The following RABGAP1L variants were observed in gnomAD, a reference collection of about 807,000 sequenced individuals.
The protein encoded by RABGAP1L is rab GTPase-activating protein 1-like.
RABGAP1L carries 63 observed loss-of-function variants against 137.7 expected under a neutral mutation model. That is an observed-to-expected ratio of 0.46 (90% CI 0.37 to 0.56). RABGAP1L has a LOEUF of 0.56. RABGAP1L is among the 20% of genes least tolerant of loss of function. The pLI is 0.00. For missense variants in RABGAP1L, 1,095 were observed against 1,244.0 expected (o/e 0.88, Z 1.80); for synonymous variants, 431 against 433.7 (o/e 0.99, Z 0.08).
chr1:174,347,786 GT>G (rs1246185774), intron 11 of RABGAP1L, among the ~76,000 whole-genome samples: 3 of 152,176 alleles, frequency 2.0e-5, no homozygotes, highest in African/African-American at 7.2e-5. Context: ...GAGCCATACA[GT>G]TTTTCTCTTG....
At chr1:174,855,281 C>T (rs1012030846) in intron 19 of RABGAP1L, among the ~76,000 whole-genome samples, 2 of 152,096 alleles carry the variant, frequency 1.3e-5, no homozygotes, top group African/African-American at 4.8e-5. Context: ...CCAGGTAGAC[C>T]ACCACTCTGA....
At chr1:174,296,391 T>C (rs954752403) in intron 10 of RABGAP1L, among the ~76,000 whole-genome samples, 4 of 152,214 alleles carry the variant, frequency 2.6e-5, no homozygotes, top group Non-Finnish European at 4.4e-5. Flanking sequence ...TGTAATTTAC[T>C]CTCTTCTTGT....
intron 17 of RABGAP1L, among the ~76,000 whole-genome samples, chr1:174,731,291 G>C (rs572131190): frequency 6.6e-6 from 1 of 152,094 alleles, no homozygotes; most frequent in Non-Finnish European, 1.5e-5. Context: ...ATTTTATCTG[G>C]TGTAGCCCAG....
chr1:174,746,086 G>A (rs1337760529), intron 17 of RABGAP1L, among the ~76,000 whole-genome samples: 1 of 152,170 alleles, frequency 6.6e-6, no homozygotes, highest in African/African-American at 2.4e-5. Context: ...CACACAATCT[G>A]TCAGCTCTCT....
intron 13 of RABGAP1L, among the ~76,000 whole-genome samples, chr1:174,406,373 A>G (rs530539526): frequency 2.0e-4 from 30 of 152,186 alleles, no homozygotes; most frequent in Non-Finnish European, 1.3e-4. Context: ...TTTGAGGTAA[A>G]TTAAGGAAGA....
intron 13 of RABGAP1L, among the ~76,000 whole-genome samples, chr1:174,502,083 TATTA>T (rs1487870272): frequency 1.3e-5 from 2 of 151,682 alleles, no homozygotes; most frequent in East Asian, 1.9e-4. Flanking sequence ...TAGAAAATTA[TATTA>T]ATTATAATAT....
intron 18 of RABGAP1L, among the ~76,000 whole-genome samples, chr1:174,771,617 C>A (rs1013504619): frequency 6.6e-6 from 1 of 152,096 alleles, no homozygotes; most frequent in South Asian, 2.1e-4. Flanking sequence ...ATAAACAACC[C>A]ATTTGTTCTA....
intron 13 of RABGAP1L, among the ~76,000 whole-genome samples, chr1:174,547,642 C>G (rs928672297): frequency 3.3e-5 from 5 of 151,976 alleles, no homozygotes; most frequent in African/African-American, 9.7e-5. Flanking sequence ...AGAAATATAT[C>G]TTATACCATA....
chr1:174,466,971 C>T (rs955090312), intron 13 of RABGAP1L, among the ~76,000 whole-genome samples: 3 of 152,134 alleles, frequency 2.0e-5, no homozygotes, highest in African/African-American at 7.2e-5. Context: ...ATATATAAAT[C>T]ATCCCTCACA....
Position 174,703,861 on chromosome 1 carries a change from C to T in RABGAP1L, c.2169+1605C>T, listed in dbSNP as rs1052569243. 5.3e-5 allele frequency among the ~76,000 whole-genome samples: 8 copies of T among 152,136 alleles called. No homozygotes were observed. In the East Asian group the frequency reaches 5.8e-4, roughly 11 times the overall value. On this transcript the variant is annotated intron_variant, in intron 17 of 25. Transcript: ENST00000681986. The stretch of plus-strand genomic sequence containing the variant: ...AATGTTGAACATTTTTTCATATGCT[C>T]ATTGGCCATTTGTATATCTTCTTTT...
intron 13 of RABGAP1L, among the ~76,000 whole-genome samples, chr1:174,602,593 C>T (rs1670496094): frequency 3.3e-5 from 5 of 151,998 alleles, no homozygotes; most frequent in Admixed American, 3.3e-4. Context: ...CCTTTTTGAG[C>T]CTATTATTTA....
In RABGAP1L at chr1:174,993,808, A is replaced by G. The variant is rs781758932; in HGVS notation, c.*3807A>G. 5 of 152,252 alleles carry G rather than the reference A, an allele frequency of 3.3e-5. No homozygotes were observed. The highest frequency in any genetic ancestry group is 9.6e-5 in the African/African-American group (4 of 41,472). The allele number at this position is 152,252 out of a possible 1,614,324, so 9.4% of individuals were successfully genotyped here. A position where few individuals can be genotyped will look rare whatever the true frequency, so the allele number is the denominator to read the frequency against. ...TTGATTAGCAAGATGATTATATTAT[A>G]TAACTTGCCCTTAAAAACACTCCAA... On this transcript the variant is annotated 3_prime_UTR_variant, in exon 26 of 26. Coordinates refer to ENST00000681986, the MANE Select transcript of RABGAP1L (RefSeq NM_001366446.1).
chr1:174,948,430 TATC>T (rs1326045899), intron 19 of RABGAP1L, among the ~76,000 whole-genome samples: 1 of 145,130 alleles, frequency 6.9e-6, no homozygotes, highest in African/African-American at 2.6e-5. Context: ...GAGGTGGGAC[TATC>T]ACTTGAGCCC....
intron 19 of RABGAP1L, among the ~76,000 whole-genome samples, chr1:174,950,063 A>G (rs1222727470): frequency 1.3e-5 from 2 of 152,226 alleles, no homozygotes; most frequent in Non-Finnish European, 2.9e-5. Flanking sequence ...ACAAGTGTGC[A>G]CACCACTAGG....
At chr1:174,610,545 T>C (rs931220763) in intron 13 of RABGAP1L, among the ~76,000 whole-genome samples, 1 of 152,074 alleles carries the variant, frequency 6.6e-6, no homozygotes, top group African/African-American at 2.4e-5. Context: ...AGCAGCATGA[T>C]TTATAGTCCT....
At chr1:174,481,994 G>T (rs1187901188) in intron 13 of RABGAP1L, among the ~76,000 whole-genome samples, 1 of 152,088 alleles carries the variant, frequency 6.6e-6, no homozygotes, top group Non-Finnish European at 1.5e-5. Context: ...ATCTTAAAAT[G>T]TGGAGATTAA....
Position 174,614,284 on chromosome 1 carries a change from C to A in RABGAP1L, c.1711-23091C>A, listed in dbSNP as rs560000454. ...ACAAAATCTCTCAGCATTTGCTTGT[C>A]TGTAAAGGAGTTTATTTCTCCTTCA... On this transcript the variant is annotated intron_variant, in intron 13 of 25. Coordinates refer to ENST00000681986, the MANE Select transcript of RABGAP1L (RefSeq NM_001366446.1). Among the ~76,000 whole-genome samples, 1,466 of 152,290 alleles carry A rather than the reference C, an allele frequency of 9.6e-3. 12 individuals carry two copies. The highest frequency in any genetic ancestry group is 0.015 in the Non-Finnish European group (993 of 68,024).
intron 15 of RABGAP1L, among the ~76,000 whole-genome samples, chr1:174,694,096 G>A (rs921380797): frequency 2.0e-5 from 3 of 152,082 alleles, no homozygotes; most frequent in African/African-American, 4.8e-5. Context: ...ATGATTTAAA[G>A]TAGATTACTA....
chr1:174,640,410 C>T (rs1448858785), intron 14 of RABGAP1L, among the ~76,000 whole-genome samples: 2 of 152,038 alleles, frequency 1.3e-5, no homozygotes, highest in Non-Finnish European at 2.9e-5. Context: ...GAACCACAGT[C>T]TTTTATTTTA....
Sources: allele counts gnomAD v4.1 joint callset (sites outside exome capture counted in the v4.1 genomes callset), GRCh38; gene constraint gnomAD v4.1.1; transcripts MANE v1.5; gene names NCBI Gene and HGNC (gene_info 2026-07-23, HGNC 2026-07-21).